The following CCDC171 variants were observed in gnomAD, a reference collection of about 807,000 sequenced individuals.
CCDC171 encodes coiled-coil domain containing 171, also known as coiled-coil domain-containing protein 171.
A neutral mutation model predicts 168.2 loss-of-function variants in CCDC171; 177 were observed. That is an observed-to-expected ratio of 1.05 (90% CI 0.93 to 1.19). CCDC171 has a LOEUF of 1.19. Ranked by LOEUF, CCDC171 falls within the 50% of genes most tolerant of loss-of-function variation. CCDC171 has a pLI of 0.00. For synonymous variants in CCDC171, 687 were observed against 540.8 expected (o/e 1.27, Z -3.75); for missense variants, 1,991 against 1,539.0 (o/e 1.29, Z -4.91).
At chr9:15,866,588 C>T (rs1439407147) in intron 23 of CCDC171, among the ~76,000 whole-genome samples, 1 of 151,942 alleles carries the variant, frequency 6.6e-6, no homozygotes, top group Admixed American at 6.6e-5. Flanking sequence ...TTTGGAAATA[C>T]TGAATGTAAG....
chr9:15,569,822 A>C (rs928419559), intron 2 of CCDC171, among the ~76,000 whole-genome samples: 1 of 111,976 alleles, frequency 8.9e-6, no homozygotes, highest in Non-Finnish European at 1.9e-5. Flanking sequence ...CTCAAAAAAA[A>C]ACAAAAAACA....
intron 24 of CCDC171, among the ~76,000 whole-genome samples, chr9:15,917,438 T>A (rs1408621006): frequency 6.6e-6 from 1 of 151,444 alleles, no homozygotes; most frequent in Non-Finnish European, 1.5e-5. Flanking sequence ...GTTGGAATGT[T>A]TAAGATTTGA....
chr9:15,764,680 A>T (rs2056627198), intron 18 of CCDC171, among the ~76,000 whole-genome samples: 1 of 152,254 alleles, frequency 6.6e-6, no homozygotes, highest in African/African-American at 2.4e-5. Flanking sequence ...AGGTGGCTGG[A>T]TATCTGAATT....
intron 25 of CCDC171, among the ~76,000 whole-genome samples, chr9:15,959,381 T>G (rs1203999196): frequency 6.6e-6 from 1 of 152,146 alleles, no homozygotes; most frequent in Non-Finnish European, 1.5e-5. Context: ...ATCTATCCTA[T>G]TTTTCTAGTC....
intron 2 of CCDC171, among the ~76,000 whole-genome samples, chr9:15,565,425 C>G (rs1422039712): frequency 6.6e-6 from 1 of 152,116 alleles, no homozygotes; most frequent in Non-Finnish European, 1.5e-5. Flanking sequence ...CTCAGGCAAT[C>G]CTCCTGCATC....
chr9:15,917,770 C>T (rs182520368), intron 24 of CCDC171, among the ~76,000 whole-genome samples: 3 of 151,594 alleles, frequency 2.0e-5, no homozygotes, highest in Non-Finnish European at 4.4e-5. Flanking sequence ...AAGGTCAATT[C>T]TCTTGTGACT....
intron 1 of CCDC171, 115 bp from the exon 2 acceptor site, chr9:15,563,863 A>C: frequency 2.1e-6 from 1 of 486,376 alleles, no homozygotes; most frequent in Non-Finnish European, 3.6e-6. Context: ...ATCTCTATAC[A>C]CCTACAATTT....
chr9:15,890,442 G>A (rs1466304517), intron 24 of CCDC171, among the ~76,000 whole-genome samples: 1 of 151,958 alleles, frequency 6.6e-6, no homozygotes, highest in Non-Finnish European at 1.5e-5. Flanking sequence ...TGGAGTTTGA[G>A]TCTCATCCAC....
chr9:15,815,968 A>G (rs2059548912), intron 21 of CCDC171, among the ~76,000 whole-genome samples: 1 of 117,766 alleles, frequency 8.5e-6, no homozygotes, highest in African/African-American at 3.2e-5. Flanking sequence ...TAATTTTAGC[A>G]GAGAAGATTC....
At chr9:15,690,539 C>T (rs1016479479) in intron 10 of CCDC171, among the ~76,000 whole-genome samples, 19 of 151,584 alleles carry the variant, frequency 1.3e-4, no homozygotes, top group African/African-American at 3.9e-4. Context: ...ATCAAAGAGC[C>T]ATAAAAGAAG....
chr9:15,712,913 T>C (rs976916719), intron 11 of CCDC171, among the ~76,000 whole-genome samples: 3 of 152,200 alleles, frequency 2.0e-5, no homozygotes, highest in African/African-American at 7.2e-5. Flanking sequence ...GAAAAAACAT[T>C]GGTTGATATC....
At chr9:15,733,086 G>A (rs1014382451) in intron 16 of CCDC171, among the ~76,000 whole-genome samples, 10 of 151,982 alleles carry the variant, frequency 6.6e-5, no homozygotes, top group South Asian at 2.1e-4. Context: ...ATTTATTTAT[G>A]TGTTTATTTG....
downstream of CCDC171, among the ~76,000 whole-genome samples, chr9:15,974,514 G>A (rs3008745): frequency 0.5 from 75,619 of 151,984 alleles, 19,987 homozygotes; most frequent in African/African-American, 0.69. Flanking sequence ...GGATTTTCCT[G>A]CTAACTTTCT....
At chr9:16,016,479 A>C (rs1833021573) in intron 3 of CCDC171, among the ~76,000 whole-genome samples, 1 of 152,196 alleles carries the variant, frequency 6.6e-6, no homozygotes, top group African/African-American at 2.4e-5. Flanking sequence ...AGCTGCTGAC[A>C]ACTCACAGGG....
chr9:15,837,573 C>G (rs1252702884), intron 21 of CCDC171, among the ~76,000 whole-genome samples: 2 of 152,302 alleles, frequency 1.3e-5, no homozygotes, highest in East Asian at 3.9e-4. Context: ...TTCATAAGCA[C>G]AATTCCTCAA....
intron 7 of CCDC171, among the ~76,000 whole-genome samples, chr9:15,640,289 A>G (rs1378147992): frequency 1.3e-5 from 2 of 152,128 alleles, no homozygotes; most frequent in African/African-American, 4.8e-5. Flanking sequence ...TCTCTTTTAC[A>G]TGGCAGTTCC....
intron 18 of CCDC171, among the ~76,000 whole-genome samples, chr9:15,775,862 T>C (rs2057296176): frequency 2.0e-5 from 3 of 152,124 alleles, no homozygotes; most frequent in Admixed American, 6.6e-5. Context: ...AAAATACCCA[T>C]GTATGCTGGG....
At chr9:15,844,271 T>C (rs1307569756) in intron 21 of CCDC171, among the ~76,000 whole-genome samples, 2 of 152,000 alleles carry the variant, frequency 1.3e-5, no homozygotes, top group Non-Finnish European at 2.9e-5. Context: ...AATTTAAAAT[T>C]ATATGTGATA....
At chr9:15,600,550 A>AGG (rs2042760539) in intron 6 of CCDC171, among the ~76,000 whole-genome samples, 1 of 152,130 alleles carries the variant, frequency 6.6e-6, no homozygotes, top group African/African-American at 2.4e-5. Context: ...GCCCCTACTC[A>AGG]GGGGTGCCTC....
Sources: gnomAD v4.1 joint callset for allele counts (sites outside exome capture counted in the v4.1 genomes callset) on GRCh38, gnomAD v4.1.1 for gene constraint, MANE v1.5 for transcripts, NCBI Gene and HGNC (gene_info 2026-07-23, HGNC 2026-07-21) for gene names.